The following ABCD2 variants were observed in gnomAD, a reference collection of about 807,000 sequenced individuals.
ABCD2 encodes the protein ATP-binding cassette sub-family D member 2.
ABCD2 carries 36 observed loss-of-function variants against 70.9 expected under a neutral mutation model. That is an observed-to-expected ratio of 0.51 (90% CI 0.39 to 0.67). The LOEUF (loss-of-function observed/expected upper bound fraction) is 0.67, where lower values mean the gene tolerates loss of function less well. Among genes scored for constraint, ABCD2 ranks in the 30% least tolerant of loss-of-function variants. The probability of loss-of-function intolerance (pLI) is 0.00; values close to 1 mark genes in which losing one functional copy is unlikely to be tolerated. For synonymous variants in ABCD2, 304 were observed against 306.9 expected (o/e 0.99, Z 0.10); for missense variants, 729 against 890.2 (o/e 0.82, Z 2.30).
rs564701137 is a variant in ABCD2 at position 39,613,139 on chromosome 12, C to A, written c.1120+3849G>T. Among the ~76,000 whole-genome samples the A allele has an allele frequency of 2.1e-3, 182 of 87,754 alleles. 22 individuals carry two copies. Among genetic ancestry groups the A allele is most frequent in the Non-Finnish European group, 3.1e-3 (147 of 46,814 alleles). The allele number at this position is 87,754 out of a possible 152,430, so 57.6% of individuals were successfully genotyped here. On this transcript the variant is annotated intron_variant, in intron 2 of 9. Coordinates refer to ENST00000308666, the MANE Select transcript of ABCD2 (RefSeq NM_005164.4). ...CGGTGGCTCACGCCTGTAATCCCAG[C>A]ACTTTGGGAGGCCGAGGCGGGCGGA...
chr12:39,573,614 A>C (rs1365090573), intron 9 of ABCD2, 102 bp downstream of exon 9: 9 of 1,266,470 alleles, frequency 7.1e-6, no homozygotes, highest in African/African-American at 1.5e-5. Context: ...GTAGAAAATA[A>C]GTGAAATACC....
At chr12:39,599,660 A>G (rs1941869729) in intron 6 of ABCD2, among the ~76,000 whole-genome samples, 1 of 152,210 alleles carries the variant, frequency 6.6e-6, no homozygotes, top group Admixed American at 6.5e-5. Flanking sequence ...CCTAACTGCT[A>G]TGTCTGGTCT....
chr12:39,571,444 T>C (rs995085365), intron 9 of ABCD2, among the ~76,000 whole-genome samples: 2 of 152,174 alleles, frequency 1.3e-5, no homozygotes, highest in South Asian at 2.1e-4. Context: ...GAGGACATTA[T>C]AGTAAGTGAA....
At chr12:39,535,657 G>A in the ABCD2 span, among the ~76,000 whole-genome samples, 1 of 152,076 alleles carries the variant, frequency 6.6e-6, no homozygotes, top group African/African-American at 2.4e-5. Flanking sequence ...AAATTTGTCT[G>A]TACTTAGATA....
chr12:39,546,830 T>C (rs1205961972), downstream of ABCD2, among the ~76,000 whole-genome samples: 1 of 151,878 alleles, frequency 6.6e-6, no homozygotes, highest in Non-Finnish European at 1.5e-5. Context: ...CATTGTTGGC[T>C]GAGAAAATAA....
intron 8 of ABCD2, 108 bp from the exon 9 acceptor site, chr12:39,573,949 C>T: frequency 2.7e-6 from 3 of 1,097,672 alleles, no homozygotes; most frequent in Non-Finnish European, 3.8e-6. Flanking sequence ...GCAAAAAAGA[C>T]TATGGCATTA....
intron 3 of ABCD2, 80 bp downstream of exon 3, chr12:39,607,519 A>T: frequency 8.6e-7 from 1 of 1,158,816 alleles, no homozygotes; most frequent in Non-Finnish European, 1.3e-6. Context: ...CCAAAATACT[A>T]AGTATACTTG....
At chr12:39,531,879 T>C in the ABCD2 span, among the ~76,000 whole-genome samples, 2 of 152,380 alleles carry the variant, frequency 1.3e-5, no homozygotes, top group South Asian at 4.1e-4. Context: ...GCGCCTGGAT[T>C]GAAAAATCGC....
At chr12:39,570,226 GA>G (rs1295762771) in intron 9 of ABCD2, among the ~76,000 whole-genome samples, 1 of 151,914 alleles carries the variant, frequency 6.6e-6, no homozygotes, top group Non-Finnish European at 1.5e-5. Flanking sequence ...CAGAGAAATA[GA>G]AAAAAAATTC....
chr12:39,562,635 A>C (rs993537724), intron 9 of ABCD2, among the ~76,000 whole-genome samples: 1 of 152,170 alleles, frequency 6.6e-6, no homozygotes, highest in Non-Finnish European at 1.5e-5. Flanking sequence ...TGAACTATGA[A>C]GAAACAGAAA....
rs183752809 is a variant in ABCD2, at chr12:39,573,832, A to G, written c.1887T>C (p.Tyr629=). The change falls in exon 9 of 10, where the codon TAT becomes TAC. Residue 629 remains tyrosine (Y), a synonymous_variant. Coordinates refer to ENST00000308666, the MANE Select transcript of ABCD2 (RefSeq NM_005164.4). ...CACTGGTACATTCATCCAGCAAGGC[A>G]TATTTTGGTCTTTTAAAAAGTACAC... ...MARMFYHKPK[Y]ALLDECTSAV... is the part of the protein sequence containing the mutation. 4.8e-5 allele frequency: 77 copies of G among 1,610,642 alleles called. No homozygotes were observed. In the Admixed American group the frequency reaches 1.1e-3, roughly 23 times the overall value.
At chr12:39,610,755 T>TA (rs1942034183) in intron 2 of ABCD2, among the ~76,000 whole-genome samples, 1 of 152,174 alleles carries the variant, frequency 6.6e-6, no homozygotes. Flanking sequence ...TTTTTAGCAA[T>TA]AAAATAATAA....
In ABCD2 at chr12:39,619,679, T is replaced by A; in HGVS notation, c.-64A>T. On this transcript the variant is annotated 5_prime_UTR_variant, in exon 1 of 10. Coordinates refer to ENST00000308666, the MANE Select transcript of ABCD2 (RefSeq NM_005164.4). Reference sequence around the variant, plus strand: ...TTTAAAAGATCATGCTTCACAGAAATCCCCAGCAAATGTTTTAGAAAGTCC... The same window carrying A: ...TTTAAAAGATCATGCTTCACAGAAAACCCCAGCAAATGTTTTAGAAAGTCC... 1 of 1,425,182 alleles carries A rather than the reference T, an allele frequency of 7.0e-7. No homozygotes were observed. The highest frequency in any genetic ancestry group is 9.5e-7 in the Non-Finnish European group (1 of 1,052,650). The allele number at this position is 1,425,182 out of a possible 1,614,324, so 88.3% of individuals were successfully genotyped here. A position where few individuals can be genotyped will look rare whatever the true frequency, so the allele number is the denominator to read the frequency against.
chr12:39,617,854 T>G (rs1174087251), intron 1 of ABCD2, among the ~76,000 whole-genome samples: 1 of 152,220 alleles, frequency 6.6e-6, no homozygotes, highest in Non-Finnish European at 1.5e-5. Flanking sequence ...AAATTAAGAT[T>G]GCATTGCCTT....
At chr12:39,601,421 G>C (rs888976908) in intron 5 of ABCD2, among the ~76,000 whole-genome samples, 1 of 151,022 alleles carries the variant, frequency 6.6e-6, no homozygotes, top group African/African-American at 2.4e-5. Flanking sequence ...AATAAAACAG[G>C]TTATTTATTT....
the ABCD2 span, among the ~76,000 whole-genome samples, chr12:39,536,442 AT>A: frequency 7.2e-5 from 11 of 152,332 alleles, no homozygotes; most frequent in Middle Eastern, 6.8e-3. Flanking sequence ...CTTAAGTTAT[AT>A]TTTAAGAAAA....
the ABCD2 span, among the ~76,000 whole-genome samples, chr12:39,535,043 A>G: frequency 3.3e-5 from 5 of 152,188 alleles, no homozygotes; most frequent in African/African-American, 1.2e-4. Flanking sequence ...CTCACTATCT[A>G]GTTAACTTCC....
chr12:39,604,054 G>T, intron 4 of ABCD2, 48 bp from the exon 5 acceptor site: 2 of 1,322,910 alleles, frequency 1.5e-6, no homozygotes, highest in Non-Finnish European at 1.1e-6. Context: ...ACAGGTTTCT[G>T]ATTAAATAAC....
chr12:39,560,629 C>T lies in ABCD2; in HGVS notation c.2004-6498G>A, dbSNP rs1263774260. Among the ~76,000 whole-genome samples, 7 of 151,488 alleles carry T rather than the reference C, an allele frequency of 4.6e-5. No individual in the cohort carries two copies. In the East Asian group the frequency reaches 7.7e-4, roughly 17 times the overall value. On this transcript the variant is annotated intron_variant, in intron 9 of 9. Transcript: ENST00000308666. ...TTTTTGCAATTTGTATATACTTTAA[C>T]AACTAAAATAATCTGTTAACATATA...
Sources: gnomAD v4.1 joint callset for allele counts (sites outside exome capture counted in the v4.1 genomes callset) on GRCh38, gnomAD v4.1.1 for gene constraint, MANE v1.5 for transcripts, NCBI Gene and HGNC (gene_info 2026-07-23, HGNC 2026-07-21) for gene names.